TSC22D2: variants seen among roughly 807,000 people sequenced by gnomAD.
TSC22D2 encodes the protein TSC22 domain family protein 2.
TSC22D2 carries 5 observed loss-of-function variants against 50.1 expected under a neutral mutation model. That is an observed-to-expected ratio of 0.10 (90% confidence interval 0.05 to 0.21). The LOEUF is 0.21. Among genes scored for constraint, TSC22D2 ranks in the 10% least tolerant of loss-of-function variants. The pLI is 1.00. For synonymous variants in TSC22D2, 501 were observed against 450.1 expected, an observed-to-expected ratio of 1.11 and a Z score of -1.43; for missense variants, 1,003 against 1,015.5, an observed-to-expected ratio of 0.99 and a Z score of 0.17.
In TSC22D2 at chr3:150,463,743, A is replaced by C. The variant is rs974332832; in HGVS notation, c.*5107A>C. 2 of 152,016 alleles carry C rather than the reference A, an allele frequency of 1.3e-5. No individual in the cohort carries two copies. The highest frequency in any genetic ancestry group is 1.3e-4 in the Admixed American group (2 of 15,270). 9.4% of individuals were successfully genotyped at this position (152,016 alleles called of 1,614,324 possible). A position where few individuals can be genotyped will look rare whatever the true frequency, so the allele number is the denominator to read the frequency against. On this transcript the variant is annotated 3_prime_UTR_variant, in exon 3 of 3. Coordinates refer to ENST00000688009, the MANE Select transcript of TSC22D2 (RefSeq NM_001303264.2). ...TTCTTGCTTGCCCACCACCCCCCCG[A>C]ACCCCGCCATGGAATCATCAAATAA...
intron 1 of TSC22D2, among the ~76,000 whole-genome samples, chr3:150,435,388 C>G (rs1317582001): frequency 2.0e-5 from 3 of 152,086 alleles, no homozygotes; most frequent in Admixed American, 2.0e-4. Context: ...TATTTTAAAG[C>G]TTATTTTTTC....
intron 1 of TSC22D2, among the ~76,000 whole-genome samples, chr3:150,442,922 G>A (rs1329950358): frequency 1.3e-5 from 2 of 152,186 alleles, no homozygotes; most frequent in African/African-American, 4.8e-5. Flanking sequence ...CAACCTGGAA[G>A]ACAGCAAGAC....
chr3:150,431,224 CAAAA>C (rs71138443), intron 1 of TSC22D2, among the ~76,000 whole-genome samples: 12 of 27,962 alleles, frequency 4.3e-4, no homozygotes, highest in African/African-American at 8.2e-4. Flanking sequence ...GGCTCTGTCT[CAAAA>C]AAAAAAAAAA....
At position 150,458,533 on chromosome 3, in the gene TSC22D2, C is replaced by A; in HGVS notation, c.2168C>A (p.Thr723Asn). 6.2e-7 allele frequency: 1 copy of A among 1,614,188 alleles called. No individual in the cohort carries two copies. The highest frequency in any genetic ancestry group is 8.5e-7 in the Non-Finnish European group (1 of 1,180,028). Residue 723 changes from threonine (T) to asparagine (N), a missense_variant, in exon 3 of 3, where the codon ACC becomes AAC. This residue lies in a region of TSC22D2 where 54 missense variants were observed against 51.4 expected (regional missense o/e 1.05). Coordinates refer to ENST00000688009, the MANE Select transcript of TSC22D2 (RefSeq NM_001303264.2). Reference sequence around the variant, plus strand: ...AATGATCAATTATCCCAACTCCCAACCCAACAGGCCAATCCTGGTAGCACT... The same window carrying A: ...AATGATCAATTATCCCAACTCCCAAACCAACAGGCCAATCCTGGTAGCACT... ...SSNDQLSQLP[T>N]QQANPGSTSQ...
intron 1 of TSC22D2, among the ~76,000 whole-genome samples, chr3:150,434,051 A>G (rs1188195445): frequency 6.6e-6 from 1 of 152,238 alleles, no homozygotes; most frequent in Non-Finnish European, 1.5e-5. Flanking sequence ...CTCCAGGGCC[A>G]CAGAGCGAGA....
intron 1 of TSC22D2, among the ~76,000 whole-genome samples, chr3:150,436,656 A>G (rs1720553295): frequency 1.3e-5 from 2 of 152,228 alleles, no homozygotes; most frequent in South Asian, 4.1e-4. Context: ...TATCCTCATA[A>G]ATATGGATTT....
In TSC22D2 at chr3:150,409,621, G is replaced by T; in HGVS notation, c.271G>T (p.Asp91Tyr). 6.2e-7 allele frequency: 1 copy of T among 1,609,858 alleles called. No homozygotes were observed. The highest frequency in any genetic ancestry group is 8.5e-7 in the Non-Finnish European group (1 of 1,177,654). ...GACCGTCTCCCCAAACCTCCTCCTA[G>T]ATGGGCAGCTGGCAGCGGCGGCTGC... ...PGTVSPNLLL[D>Y]GQLAAAAAAP... The change falls in exon 1 of 3, where the codon GAT becomes TAT. Residue 91 changes from aspartate to tyrosine, a missense_variant. Transcript: ENST00000688009. The surrounding 1 kb of genome is among the most constrained non-coding windows in gnomAD (Gnocchi z 7.4).
rs543587978 is a variant in TSC22D2, at chr3:150,450,516, A to G, written c.1959-6560A>G. 1.1e-4 allele frequency among the ~76,000 whole-genome samples: 17 copies of G among 152,210 alleles called. 1 individual carries two copies. In the South Asian group the frequency reaches 2.3e-3, roughly 20 times the overall value. ...TTTACATTGGTAGAACTGATGGTCA[A>G]TAATTAGAATAACATAACATTTTGA... On this transcript the variant is annotated intron_variant, in intron 1 of 2. Transcript: ENST00000688009.
At chr3:150,428,558 T>G (rs1368218375) in intron 1 of TSC22D2, among the ~76,000 whole-genome samples, 1 of 150,318 alleles carries the variant, frequency 6.7e-6, no homozygotes, top group Non-Finnish European at 1.5e-5. Context: ...TATATGTAAA[T>G]TCAGGGAGGT....
At position 150,456,194 on chromosome 3, in the gene TSC22D2, T is replaced by G. The variant is rs1368047664; in HGVS notation, c.1959-882T>G. Reference sequence around the variant, plus strand: ...TGTTTCTTTTTGTTTTTTTTTTTTTTGTTTTTTTTTGAGATGGAGTTTTGC... The same window carrying G: ...TGTTTCTTTTTGTTTTTTTTTTTTTGGTTTTTTTTTGAGATGGAGTTTTGC... On this transcript the variant is annotated intron_variant, in intron 1 of 2. Coordinates refer to ENST00000688009, the MANE Select transcript of TSC22D2 (RefSeq NM_001303264.2). Among the ~76,000 whole-genome samples the G allele has an allele frequency of 5.1e-3, 718 of 140,732 alleles. 6 individuals carry two copies. Among genetic ancestry groups the G allele is most frequent in the African/African-American group, 0.018 (655 of 36,394 alleles). 92.3% of individuals were successfully genotyped at this position (140,732 alleles called of 152,430 possible).
At position 150,458,360 on chromosome 3, in the gene TSC22D2, A is replaced by G; in HGVS notation, c.2011-16A>G. On this transcript the variant is annotated splice_polypyrimidine_tract_variant and intron_variant, in intron 2 of 2. Coordinates refer to ENST00000688009, the MANE Select transcript of TSC22D2 (RefSeq NM_001303264.2). ...TCTTTTCACTCTTTTGACATTCCTA[A>G]TTTTGTTTTTCACAGGATCTGGTGA... 1.2e-6 allele frequency: 2 copies of G among 1,605,808 alleles called. No homozygotes were observed. Among genetic ancestry groups the G allele is most frequent in the Non-Finnish European group, 1.7e-6 (2 of 1,175,720 alleles).
rs200595084 is a variant in TSC22D2, at chr3:150,411,058, A to G, written c.1708A>G (p.Thr570Ala). 12 of 1,614,212 alleles carry G rather than the reference A, an allele frequency of 7.4e-6. No homozygotes were observed. The East Asian group carries it at 1.6e-4, about 21-fold the overall frequency. Reference sequence around the variant, plus strand: ...AGCGCCAGGCACACACAGCGCACCAACAAGTCTACCACAGTCTGACCTAAG... The same window carrying G: ...AGCGCCAGGCACACACAGCGCACCAGCAAGTCTACCACAGTCTGACCTAAG... ...PLAPGTHSAP[T>A]SLPQSDLSQF... The change falls in exon 1 of 3, where the codon ACA becomes GCA. Residue 570 changes from threonine (T) to alanine (A), a missense_variant. By Grantham distance (58) the Thr-to-Ala change is moderately conservative. Coordinates refer to ENST00000688009, the MANE Select transcript of TSC22D2 (RefSeq NM_001303264.2).
intron 1 of TSC22D2, among the ~76,000 whole-genome samples, chr3:150,429,705 C>T (rs181515935): frequency 1.3e-5 from 2 of 152,224 alleles, no homozygotes; most frequent in East Asian, 1.9e-4. Flanking sequence ...AAACTCATGC[C>T]TATGGTGTTC....
rs568301584 is a variant in TSC22D2 at position 150,459,264 on chromosome 3, T to C, written c.*628T>C. The C allele has an allele frequency of 2.2e-4, 34 of 152,808 alleles. No homozygotes were observed. Among genetic ancestry groups the C allele is most frequent in the African/African-American group, 8.2e-4 (34 of 41,594 alleles). The allele number at this position is 152,808 out of a possible 1,614,324, so 9.5% of individuals were successfully genotyped here. ...TCTAACACTAATGGCAATTTACTTA[T>C]GGTATTTATTTTCAGTAGTAAAGAC... On this transcript the variant is annotated 3_prime_UTR_variant, in exon 3 of 3. Coordinates refer to ENST00000688009, the MANE Select transcript of TSC22D2 (RefSeq NM_001303264.2).
intron 1 of TSC22D2, among the ~76,000 whole-genome samples, chr3:150,450,247 A>G (rs540496538): frequency 1.3e-5 from 2 of 152,256 alleles, no homozygotes; most frequent in East Asian, 1.9e-4. Context: ...GATGCTGACA[A>G]TAAATATCAA....
chr3:150,445,932 A>G (rs1183935461), intron 1 of TSC22D2, among the ~76,000 whole-genome samples: 1 of 151,968 alleles, frequency 6.6e-6, no homozygotes, highest in Non-Finnish European at 1.5e-5. Flanking sequence ...CATTTCTACT[A>G]AAAATACAAA....
Position 150,464,812 on chromosome 3 carries a change from C to G in TSC22D2, c.*6176C>G, listed in dbSNP as rs1360292494. On this transcript the variant is annotated 3_prime_UTR_variant, in exon 3 of 3. Coordinates refer to ENST00000688009, the MANE Select transcript of TSC22D2 (RefSeq NM_001303264.2). ...TATTCCCTAAAAAAGAGGAACTAAT[C>G]TGAGAAAAGTTTACACATTTTTAAT... is the stretch of plus-strand genomic sequence containing the variant. 6.6e-6 allele frequency: 1 copy of G among 152,122 alleles called. No homozygotes were observed. Among genetic ancestry groups the G allele is most frequent in the African/African-American group, 2.4e-5 (1 of 41,438 alleles). The allele number at this position is 152,122 out of a possible 1,614,324, so 9.4% of individuals were successfully genotyped here.
chr3:150,420,045 C>T (rs755931389), intron 1 of TSC22D2, among the ~76,000 whole-genome samples: 16 of 152,154 alleles, frequency 1.1e-4, no homozygotes, highest in Admixed American at 2.0e-4. Context: ...TTTTTAATTT[C>T]AGTTGCCTCT....
At chr3:150,422,555 C>G (rs1181704550) in intron 1 of TSC22D2, among the ~76,000 whole-genome samples, 1 of 152,112 alleles carries the variant, frequency 6.6e-6, no homozygotes, top group Admixed American at 6.5e-5. Flanking sequence ...GTGTCAAGTC[C>G]AACCCAGGAA....
Sources: allele counts gnomAD v4.1 joint callset (sites outside exome capture counted in the v4.1 genomes callset), GRCh38; gene constraint gnomAD v4.1.1; regional missense constraint gnomAD v4.1.1; non-coding constraint Gnocchi (gnomAD v3.1); transcripts MANE v1.5; gene names NCBI Gene and HGNC (gene_info 2026-07-23, HGNC 2026-07-21).